Variants in HMGA2 observed in about 807,000 individuals in gnomAD.
HMGA2 encodes the protein high mobility group protein HMGI-C.
A neutral mutation model predicts 19.1 loss-of-function variants in HMGA2; 8 were observed. The ratio of observed to expected loss-of-function variants is 0.42; its 90% CI spans 0.25 to 0.76. HMGA2 has a LOEUF of 0.76. Among genes scored for constraint, HMGA2 ranks in the 30% least tolerant of loss-of-function variants. HMGA2 has a pLI of 0.28. For missense variants in HMGA2, 109 were observed against 136.3 expected (o/e 0.80, Z 1.00); for synonymous variants, 60 against 48.8 (o/e 1.23, Z -0.96).
In HMGA2 at chr12:65,827,955, T is replaced by G. The variant is rs1329414820; in HGVS notation, c.112-46T>G. 8.9e-6 allele frequency: 12 copies of G among 1,341,532 alleles called. No individual in the cohort carries two copies. The South Asian group carries it at 1.4e-4, about 16-fold the overall frequency. The allele number at this position is 1,341,532 out of a possible 1,614,324, so 83.1% of individuals were successfully genotyped here. On this transcript the variant is annotated intron_variant, in intron 1 of 4. Coordinates refer to ENST00000403681, the MANE Select transcript of HMGA2 (RefSeq NM_003483.6). Reference sequence around the variant, plus strand: ...GCTAAAGAGTCAGGGTCAATTTCTTTCAGACATTCTTGCCACAACAGCATT... The same window carrying G: ...GCTAAAGAGTCAGGGTCAATTTCTTGCAGACATTCTTGCCACAACAGCATT...
chr12:65,926,773 A>G (rs1475213939), intron 3 of HMGA2, among the ~76,000 whole-genome samples: 2 of 152,190 alleles, frequency 1.3e-5, no homozygotes, highest in Non-Finnish European at 2.9e-5. Context: ...AAGCACCCTC[A>G]TTGTCACAGG....
chr12:65,835,804 T>C (rs1365483558), intron 2 of HMGA2, among the ~76,000 whole-genome samples: 1 of 152,174 alleles, frequency 6.6e-6, no homozygotes, highest in Non-Finnish European at 1.5e-5. Context: ...TGTAGCACTG[T>C]TAACTTCTAA....
At chr12:65,847,150 G>T (rs1190769534) in intron 3 of HMGA2, among the ~76,000 whole-genome samples, 1 of 151,726 alleles carries the variant, frequency 6.6e-6, no homozygotes, top group Non-Finnish European at 1.5e-5. Flanking sequence ...GTGTGCCTGG[G>T]GTTACATTCT....
At chr12:65,835,311 C>A (rs1440469164) in intron 2 of HMGA2, among the ~76,000 whole-genome samples, 1 of 152,166 alleles carries the variant, frequency 6.6e-6, no homozygotes. Context: ...AATCCTGGAT[C>A]TAAGCTGGTT....
chr12:65,900,627 A>T (rs1056670385), intron 3 of HMGA2, among the ~76,000 whole-genome samples: 3 of 152,222 alleles, frequency 2.0e-5, no homozygotes, highest in Non-Finnish European at 1.5e-5. Context: ...AGAGCGGGGT[A>T]TGGAGACCAC....
chr12:65,925,728 A>T (rs1225115211), intron 3 of HMGA2, among the ~76,000 whole-genome samples: 1 of 152,160 alleles, frequency 6.6e-6, no homozygotes, highest in Non-Finnish European at 1.5e-5. Flanking sequence ...ATGTCAAGCG[A>T]TCATTAAGTT....
intron 4 of HMGA2, chr12:65,954,637 C>G (rs1239844239): frequency 6.6e-6 from 1 of 152,102 alleles, no homozygotes; most frequent in Non-Finnish European, 1.5e-5. Flanking sequence ...CAAGTACATG[C>G]ATCTAGAGAG....
intron 3 of HMGA2, chr12:65,842,193 C>A: frequency 1.1e-6 from 1 of 923,274 alleles, no homozygotes; most frequent in Non-Finnish European, 1.5e-6. Flanking sequence ...CGTCACTTAG[C>A]TAACTGGAGT....
intron 3 of HMGA2, among the ~76,000 whole-genome samples, chr12:65,894,302 G>A (rs913756732): frequency 6.6e-6 from 1 of 152,114 alleles, no homozygotes; most frequent in Admixed American, 6.5e-5. Flanking sequence ...TATAGGCACT[G>A]CATATTTCTT....
chr12:65,915,034 C>T (rs1321853354), intron 3 of HMGA2: 1 of 1,612,758 alleles, frequency 6.2e-7, no homozygotes, highest in Non-Finnish European at 8.5e-7. Flanking sequence ...ATGCCATATG[C>T]CCCATCCTGA....
At chr12:65,855,494 C>T (rs533646850) in intron 3 of HMGA2, among the ~76,000 whole-genome samples, 2 of 97,794 alleles carry the variant, frequency 2.0e-5, no homozygotes, top group African/African-American at 8.1e-5. Context: ...ACACACAGAG[C>T]AAAGCTGTGC....
At chr12:65,867,033 C>T (rs1275397937) in intron 3 of HMGA2, 3 of 441,652 alleles carry the variant, frequency 6.8e-6, no homozygotes, top group East Asian at 1.4e-4. Context: ...TGCAGAAGAA[C>T]AAAGTAGAGA....
chr12:65,860,568 T>C (rs1384595555), intron 3 of HMGA2, among the ~76,000 whole-genome samples: 1 of 152,248 alleles, frequency 6.6e-6, no homozygotes, highest in African/African-American at 2.4e-5. Flanking sequence ...TTGCATTTTC[T>C]TCAAAACCTA....
At chr12:65,897,311 G>GT (rs935665765) in intron 3 of HMGA2, among the ~76,000 whole-genome samples, 4 of 151,978 alleles carry the variant, frequency 2.6e-5, no homozygotes, top group Non-Finnish European at 4.4e-5. Context: ...GCATAACACT[G>GT]TTTTTTTGAT....
intron 3 of HMGA2, chr12:65,914,592 A>G (rs1471402232): frequency 4.1e-6 from 1 of 245,266 alleles, no homozygotes. Flanking sequence ...ATGTATACAT[A>G]TGTAACTAAC....
chr12:65,960,574 T>G (rs1273375277), intron 4 of HMGA2, among the ~76,000 whole-genome samples: 3 of 152,156 alleles, frequency 2.0e-5, no homozygotes, highest in Non-Finnish European at 4.4e-5. Flanking sequence ...ATTCCTTCCT[T>G]TGAAGGGTGG....
At chr12:65,908,918 A>G (rs1019534678) in intron 3 of HMGA2, among the ~76,000 whole-genome samples, 1 of 152,140 alleles carries the variant, frequency 6.6e-6, no homozygotes, top group Non-Finnish European at 1.5e-5. Context: ...CCTTTACAAC[A>G]TATATCCTAC....
At chr12:65,921,131 C>T (rs555965507) in intron 3 of HMGA2, among the ~76,000 whole-genome samples, 1 of 152,326 alleles carries the variant, frequency 6.6e-6, no homozygotes, top group South Asian at 2.1e-4. Context: ...TGGCATTTTG[C>T]CACTGCCCTA....
chr12:65,948,848 C>T (rs968730696), intron 3 of HMGA2, among the ~76,000 whole-genome samples: 2 of 152,166 alleles, frequency 1.3e-5, no homozygotes, highest in Non-Finnish European at 2.9e-5. Context: ...GCTGGCAGCT[C>T]TTTCAGAGGA....
Sources: gnomAD v4.1 joint callset for allele counts (sites outside exome capture counted in the v4.1 genomes callset) on GRCh38, gnomAD v4.1.1 for gene constraint, MANE v1.5 for transcripts, NCBI Gene and HGNC (gene_info 2026-07-23, HGNC 2026-07-21) for gene names.